SUPT6H: variants seen among roughly 807,000 people sequenced by gnomAD.
The protein encoded by SUPT6H is SPT6 homolog, histone chaperone and transcription elongation factor, also known as transcription elongation factor SPT6.
SUPT6H carries 11 observed loss-of-function variants against 222.3 expected under a neutral mutation model. That is an observed-to-expected ratio of 0.05 (90% CI 0.03 to 0.08). The LOEUF (loss-of-function observed/expected upper bound fraction) is 0.08. SUPT6H is among the 10% of genes least tolerant of loss of function. The probability of loss-of-function intolerance (pLI) is 1.00; values close to 1 mark genes in which losing one functional copy is unlikely to be tolerated. For synonymous variants in SUPT6H, 762 were observed against 801.2 expected, an observed-to-expected ratio of 0.95 and a Z score of 0.83; for missense variants, 1,422 against 2,216.0, an observed-to-expected ratio of 0.64 and a Z score of 7.19.
At chr17:28,667,684 C>G (rs1023837381) in intron 1 of SUPT6H, among the ~76,000 whole-genome samples, 47 of 151,550 alleles carry the variant, frequency 3.1e-4, no homozygotes, top group African/African-American at 1.1e-3. Context: ...CTTAAATCCT[C>G]TTTTATTCAG....
chr17:28,700,936 T>C lies in SUPT6H; in HGVS notation c.4807-5T>C, dbSNP rs565473250. On this transcript the variant is annotated splice_region_variant and splice_polypyrimidine_tract_variant and intron_variant, in intron 35 of 36. Transcript: ENST00000314616. The stretch of plus-strand genomic sequence containing the variant: ...ATCCCTATTTAACTGTTCATGCCTC[T>C]CCAGGTATTCCCAACGCCAGCCCAG... 1.7e-5 allele frequency: 27 copies of C among 1,609,170 alleles called. No homozygotes were observed. In the East Asian group the frequency reaches 5.6e-4, roughly 33 times the overall value.
chr17:28,698,570 C>G (rs1270847589), intron 32 of SUPT6H, among the ~76,000 whole-genome samples: 2 of 152,266 alleles, frequency 1.3e-5, no homozygotes, highest in East Asian at 3.8e-4. Context: ...CTAGCGCTTA[C>G]CCTGAACCTA....
chr17:28,669,712 A>T (rs535462538), intron 1 of SUPT6H, among the ~76,000 whole-genome samples: 1 of 152,198 alleles, frequency 6.6e-6, no homozygotes, highest in African/African-American at 2.4e-5. Flanking sequence ...AGGCAGGTGG[A>T]TCACTTGAGG....
At chr17:28,687,005 T>C (rs549219038) in intron 21 of SUPT6H, 83 bp from the exon 22 acceptor site, 1 of 1,556,112 alleles carries the variant, frequency 6.4e-7, no homozygotes, top group East Asian at 2.3e-5. Flanking sequence ...GAGAAAATGA[T>C]TTAAACCAGA....
Position 28,683,152 on chromosome 17 carries a change from A to C in SUPT6H, c.1878+60A>C. On this transcript the variant is annotated intron_variant, in intron 15 of 36. Coordinates refer to ENST00000314616, the MANE Select transcript of SUPT6H (RefSeq NM_003170.5). ...CACCAGCTCTTTCTTTGATTGCCTG[A>C]GTTTCTTGCCTTCCACTTCACTGAG... 3.8e-6 allele frequency: 6 copies of C among 1,562,148 alleles called. No individual in the cohort carries two copies. In the South Asian group the frequency reaches 7.2e-5, roughly 19 times the overall value.
Position 28,689,226 on chromosome 17 carries a change from T to C in SUPT6H, c.3135-128T>C, listed in dbSNP as rs117111890. Reference sequence around the variant, plus strand: ...CATAGATCTACCTCATTCTTGTTAATGGCTGTATAGTATTCCATTGTATGG... The same window carrying C: ...CATAGATCTACCTCATTCTTGTTAACGGCTGTATAGTATTCCATTGTATGG... On this transcript the variant is annotated intron_variant, in intron 24 of 36. Coordinates refer to ENST00000314616, the MANE Select transcript of SUPT6H (RefSeq NM_003170.5). 6.6e-3 allele frequency: 5,058 copies of C among 764,878 alleles called. 32 individuals carry two copies. The highest frequency in any genetic ancestry group is 0.019 in the Middle Eastern group (71 of 3,716). 47.4% of individuals were successfully genotyped at this position (764,878 alleles called of 1,614,324 possible). A position where few individuals can be genotyped will look rare whatever the true frequency, so the allele number is the denominator to read the frequency against.
intron 27 of SUPT6H, 128 bp downstream of exon 27, chr17:28,691,191 A>G: frequency 7.8e-7 from 1 of 1,275,380 alleles, no homozygotes; most frequent in South Asian, 1.4e-5. Context: ...AAGAAGGAAG[A>G]CGGACGGGAA....
Position 28,677,693 on chromosome 17 carries a change from C to T in SUPT6H, c.898-22C>T, listed in dbSNP as rs757812072. On this transcript the variant is annotated intron_variant, in intron 7 of 36. Coordinates refer to ENST00000314616, the MANE Select transcript of SUPT6H (RefSeq NM_003170.5). ...AGACACAAGATAAAGTCCGTCTCAC[C>T]CTGTTGTCTTATCCACTCCAGCTCC... The T allele has an allele frequency of 3.2e-6, 5 of 1,580,384 alleles. No individual in the cohort carries two copies. In the Admixed American group the frequency reaches 5.1e-5, roughly 16 times the overall value.
At chr17:28,679,372 C>CA (rs1375111275) in intron 11 of SUPT6H, among the ~76,000 whole-genome samples, 86 of 138,940 alleles carry the variant, frequency 6.2e-4, no homozygotes, top group Middle Eastern at 3.8e-3. Context: ...GACTTCGTCT[C>CA]AAAAAAAAAA....
chr17:28,672,023 A>G (rs1336034394), intron 1 of SUPT6H, among the ~76,000 whole-genome samples: 1 of 152,200 alleles, frequency 6.6e-6, no homozygotes, highest in Non-Finnish European at 1.5e-5. Context: ...TTTGCCTGCA[A>G]GGGGAGTAAA....
Position 28,701,631 on chromosome 17 carries a change from C to G in SUPT6H, c.*6C>G, listed in dbSNP as rs369442012. On this transcript the variant is annotated 3_prime_UTR_variant, in exon 37 of 37. Transcript: ENST00000314616. ...TGGACGAGATGGATCGGTAGGGGGC[C>G]TGCTCCTCGGACTCTGGTTACCTCT... 3.9e-5 allele frequency: 62 copies of G among 1,600,400 alleles called. No individual in the cohort carries two copies. The highest frequency in any genetic ancestry group is 5.0e-5 in the Non-Finnish European group (59 of 1,170,396).
At chr17:28,674,736 T>C in intron 4 of SUPT6H, 123 bp downstream of exon 4, 1 of 967,232 alleles carries the variant, frequency 1.0e-6, no homozygotes, top group Non-Finnish European at 1.6e-6. Flanking sequence ...CGGTGTTCGG[T>C]ATCATTGTAC....
At chr17:28,693,885 G>C (rs552228059) in intron 28 of SUPT6H, 49 bp downstream of exon 28, 4 of 1,612,194 alleles carry the variant, frequency 2.5e-6, no homozygotes, top group Non-Finnish European at 2.5e-6. Context: ...CAGCTGCCCA[G>C]ATCAGGTCTC....
chr17:28,676,953 G>T (rs1018823062), intron 7 of SUPT6H, among the ~76,000 whole-genome samples: 1 of 152,110 alleles, frequency 6.6e-6, no homozygotes, highest in Non-Finnish European at 1.5e-5. Context: ...TTATGGCCAG[G>T]CACGGTGGTT....
At chr17:28,701,160 C>G in intron 36 of SUPT6H, 32 bp downstream of exon 36, 2 of 1,582,462 alleles carry the variant, frequency 1.3e-6, no homozygotes, top group East Asian at 4.5e-5. Flanking sequence ...CAGTGCAGGT[C>G]AGTGGTAGGG....
chr17:28,668,888 A>G (rs1479189716), intron 1 of SUPT6H, among the ~76,000 whole-genome samples: 2 of 152,226 alleles, frequency 1.3e-5, no homozygotes, highest in African/African-American at 2.4e-5. Context: ...CACTTTTGGC[A>G]GTGCTCAAGC....
intron 29 of SUPT6H, 100 bp downstream of exon 29, chr17:28,695,647 G>C: frequency 1.5e-6 from 2 of 1,358,502 alleles, no homozygotes; most frequent in Non-Finnish European, 2.0e-6. Context: ...TCTCCCAGTG[G>C]AAGTGGGGAC....
intron 11 of SUPT6H, among the ~76,000 whole-genome samples, chr17:28,680,884 C>T (rs1430769912): frequency 3.3e-5 from 5 of 152,252 alleles, no homozygotes; most frequent in East Asian, 3.9e-4. Context: ...CCTGACGTCG[C>T]GATCCCTCCG....
intron 26 of SUPT6H, 38 bp from the exon 27 acceptor site, chr17:28,690,883 C>T: frequency 1.2e-6 from 2 of 1,603,878 alleles, no homozygotes; most frequent in Non-Finnish European, 1.7e-6. Flanking sequence ...TCTCCACATT[C>T]TCTGAGCCTG....
Sources: gnomAD v4.1 joint callset for allele counts (sites outside exome capture counted in the v4.1 genomes callset) on GRCh38, gnomAD v4.1.1 for gene constraint, MANE v1.5 for transcripts, NCBI Gene and HGNC (gene_info 2026-07-23, HGNC 2026-07-21) for gene names.